The following PRKN variants were observed in gnomAD, a reference collection of about 807,000 sequenced individuals.
PRKN encodes E3 ubiquitin-protein ligase parkin.
Under a neutral mutation model 59.5 loss-of-function variants are expected in PRKN, and 56 were observed. The ratio of observed to expected loss-of-function variants is 0.94; its 90% CI spans 0.76 to 1.18. The LOEUF (loss-of-function observed/expected upper bound fraction) is 1.18, where lower values mean the gene tolerates loss of function less well. Ranked by LOEUF, PRKN falls within the 50% of genes most tolerant of loss-of-function variation. The pLI is 0.00. For synonymous variants in PRKN, 250 were observed against 222.1 expected (o/e 1.13, Z -1.12); for missense variants, 657 against 596.4 (o/e 1.10, Z -1.06).
chr6:161,781,274 G>C (rs1790193715), intron 7 of PRKN, among the ~76,000 whole-genome samples: 1 of 152,154 alleles, frequency 6.6e-6, no homozygotes, highest in Non-Finnish European at 1.5e-5. Context: ...AAAAATAAAA[G>C]CAAATTTCTA....
At position 162,569,217 on chromosome 6, in the gene PRKN, T is replaced by G. The variant is rs370304762; in HGVS notation, c.8-125744A>C. On this transcript the variant is annotated intron_variant, in intron 1 of 11. Transcript: ENST00000366898. Reference sequence around the variant, plus strand: ...GAGATCTCCAAGATGAACTGGAACATCAGCCAGCCCCAGGCTGAGACTGAG... The same window carrying G: ...GAGATCTCCAAGATGAACTGGAACAGCAGCCAGCCCCAGGCTGAGACTGAG... 7.0e-6 allele frequency: 4 copies of G among 568,234 alleles called. No individual in the cohort carries two copies. In the African/African-American group the frequency reaches 7.5e-5, roughly 11 times the overall value. 35.2% of individuals were successfully genotyped at this position (568,234 alleles called of 1,614,324 possible).
rs562666203 is a variant in PRKN, at chr6:162,052,170, T to A, written c.618+1921A>T. ...TATGTTCTGGCTGCATTTAGGATAA[T>A]TTTTTTCAGGTCAAATTTCAGATCT... is the stretch of plus-strand genomic sequence containing the variant. On this transcript the variant is annotated intron_variant, in intron 5 of 11. Coordinates refer to ENST00000366898, the MANE Select transcript of PRKN (RefSeq NM_004562.3). 1.9e-3 allele frequency among the ~76,000 whole-genome samples: 290 copies of A among 152,214 alleles called. 2 individuals are homozygous for A. The highest frequency in any genetic ancestry group is 6.9e-3 in the African/African-American group (285 of 41,536).
At chr6:161,877,556 T>C (rs1190555669) in intron 6 of PRKN, among the ~76,000 whole-genome samples, 2 of 150,954 alleles carry the variant, frequency 1.3e-5, no homozygotes, top group African/African-American at 4.9e-5. Context: ...GCCTCCTGGG[T>C]TCACGCTGTT....
chr6:162,347,985 T>C (rs1433135361), intron 2 of PRKN, among the ~76,000 whole-genome samples: 1 of 152,162 alleles, frequency 6.6e-6, no homozygotes, highest in Admixed American at 6.5e-5. Flanking sequence ...AGGGAGACGA[T>C]GGCCTCCAAA....
intron 1 of PRKN, among the ~76,000 whole-genome samples, chr6:162,540,807 CAAAAAA>C (rs59944356): frequency 7.9e-6 from 1 of 126,460 alleles, no homozygotes; most frequent in African/African-American, 3.0e-5. Flanking sequence ...AACTCTGGCT[CAAAAAA>C]AAAAAAAAAA....
At position 161,538,496 on chromosome 6, in the gene PRKN, G is replaced by A. The variant is rs974108611; in HGVS notation, c.1083+10358C>T. Among the ~76,000 whole-genome samples the A allele has an allele frequency of 1.3e-5, 2 of 152,078 alleles. No homozygotes were observed. Among genetic ancestry groups the A allele is most frequent in the African/African-American group, 4.8e-5 (2 of 41,404 alleles). On this transcript the variant is annotated intron_variant, in intron 9 of 11. Transcript: ENST00000366898. The surrounding 1 kb of genome is among the most constrained non-coding windows in gnomAD (Gnocchi z 4.2). ...CCTCCTAAGGACCTCCAAATCTTAG[G>A]GGAGGTGGGACTAAAGGTCAAGCCA...
chr6:162,025,079 A>G lies in PRKN; in HGVS notation c.618+29012T>C, dbSNP rs970287069. ...CGCCCAGCCTGGAGTGCAGTGGCGC[A>G]ATCTCGGCTCACTGCAAGCTCCACC... is the stretch of plus-strand genomic sequence containing the variant. On this transcript the variant is annotated intron_variant, in intron 5 of 11. Coordinates refer to ENST00000366898, the MANE Select transcript of PRKN (RefSeq NM_004562.3). Among the ~76,000 whole-genome samples the G allele has an allele frequency of 1.1e-4, 16 of 146,166 alleles. No homozygotes were observed. In the East Asian group the frequency reaches 1.4e-3, roughly 13 times the overall value.
intron 1 of PRKN, among the ~76,000 whole-genome samples, chr6:162,701,914 G>T (rs1000594567): frequency 6.7e-6 from 1 of 150,228 alleles, no homozygotes; most frequent in Non-Finnish European, 1.5e-5. Flanking sequence ...ACCAACAGAA[G>T]CTCATGAAAG....
chr6:162,398,241 A>G (rs1055326839), intron 2 of PRKN, among the ~76,000 whole-genome samples: 1 of 152,220 alleles, frequency 6.6e-6, no homozygotes, highest in East Asian at 1.9e-4. Context: ...CCTAACTAAC[A>G]TCTGGCTTAC....
chr6:162,398,367 A>G (rs1348013159), intron 2 of PRKN, among the ~76,000 whole-genome samples: 1 of 149,248 alleles, frequency 6.7e-6, no homozygotes, highest in Non-Finnish European at 1.5e-5. Flanking sequence ...AAAGAGTAAG[A>G]CAACTTCAGC....
chr6:161,746,472 A>C (rs987930054), intron 7 of PRKN, among the ~76,000 whole-genome samples: 14 of 151,760 alleles, frequency 9.2e-5, no homozygotes, highest in Non-Finnish European at 8.8e-5. Flanking sequence ...ATACAAAAAA[A>C]GACAAGTCAA....
At chr6:162,342,061 C>T (rs147310771) in intron 2 of PRKN, among the ~76,000 whole-genome samples, 2 of 152,252 alleles carry the variant, frequency 1.3e-5, no homozygotes, top group African/African-American at 4.8e-5. Flanking sequence ...TTGCATGGCT[C>T]TTCCATCGGT....
chr6:161,419,143 A>C lies in PRKN; in HGVS notation c.1084-32266T>G, dbSNP rs1787976501. ...TCACTAAATGCGTAGCTATGCAATG[A>C]AAATGGTGAGAATCCTTTACGAGCT... On this transcript the variant is annotated intron_variant, in intron 9 of 11. Coordinates refer to ENST00000366898, the MANE Select transcript of PRKN (RefSeq NM_004562.3). This position sits in a 1 kb window ranked among gnomAD's most constrained non-coding sequence, Gnocchi z 4.1. Among the ~76,000 whole-genome samples, 1 of 152,228 alleles carries C rather than the reference A, an allele frequency of 6.6e-6. No homozygotes were observed.
chr6:162,108,339 T>C (rs1376856974), intron 4 of PRKN, among the ~76,000 whole-genome samples: 1 of 152,192 alleles, frequency 6.6e-6, no homozygotes, highest in African/African-American at 2.4e-5. Flanking sequence ...CCAGCCTCAC[T>C]AAATGCACTA....
chr6:162,118,457 G>C (rs1284213021), intron 4 of PRKN, among the ~76,000 whole-genome samples: 1 of 151,970 alleles, frequency 6.6e-6, no homozygotes, highest in East Asian at 1.9e-4. Flanking sequence ...TTTCAGCTTA[G>C]AGCATACTAC....
At chr6:161,734,336 A>G (rs1787878183) in intron 7 of PRKN, among the ~76,000 whole-genome samples, 2 of 152,178 alleles carry the variant, frequency 1.3e-5, no homozygotes, top group African/African-American at 4.8e-5. Flanking sequence ...TTAGGCTGAC[A>G]TCTTCCCTAG....
chr6:161,904,090 T>C (rs1048604985), intron 6 of PRKN, among the ~76,000 whole-genome samples: 14 of 152,050 alleles, frequency 9.2e-5, no homozygotes, highest in African/African-American at 3.1e-4. Flanking sequence ...ACAGTGAGCC[T>C]GGGGCTGCTA....
chr6:161,402,998 TC>T lies in PRKN; in HGVS notation c.1084-16122del, dbSNP rs765078055. ...GAGAAGCTAGTTCAGAGAAAGGCCCTCCCCGAATTTGCTGTTCCCCAAGTGT... is the reference window on the plus strand; with the variant it reads ...GAGAAGCTAGTTCAGAGAAAGGCCCTCCCGAATTTGCTGTTCCCCAAGTGT... On this transcript the variant is annotated intron_variant, in intron 9 of 11. Transcript: ENST00000366898. This position sits in a 1 kb window ranked among gnomAD's most constrained non-coding sequence, Gnocchi z 4.5. 2.4e-4 allele frequency among the ~76,000 whole-genome samples: 36 copies of T among 152,220 alleles called. No individual in the cohort carries two copies. The highest frequency in any genetic ancestry group is 4.9e-4 in the Non-Finnish European group (33 of 68,010).
intron 3 of PRKN, among the ~76,000 whole-genome samples, chr6:162,218,888 A>G (rs1405465250): frequency 6.6e-6 from 1 of 152,068 alleles, no homozygotes; most frequent in African/African-American, 2.4e-5. Context: ...CTGTTTAGTT[A>G]CACACCTCGG....
Sources: allele counts gnomAD v4.1 joint callset (sites outside exome capture counted in the v4.1 genomes callset), GRCh38; gene constraint gnomAD v4.1.1; non-coding constraint Gnocchi (gnomAD v3.1); transcripts MANE v1.5; gene names NCBI Gene and HGNC (gene_info 2026-07-23, HGNC 2026-07-21).